WWOX: variants seen among roughly 807,000 people sequenced by gnomAD.
WWOX encodes WW domain containing oxidoreductase.
In WWOX, 69 loss-of-function variants were observed where a neutral mutation model predicts 46.2. That is an observed-to-expected ratio of 1.49 (90% confidence interval 1.23 to 1.82). The LOEUF is 1.82. Among genes scored for constraint, WWOX ranks in the 40% most tolerant of loss-of-function variants. The pLI, the probability that WWOX is intolerant of heterozygous loss-of-function variation, is 0.00. For missense variants in WWOX, 919 were observed against 542.6 expected, an observed-to-expected ratio of 1.69 and a Z score of -6.89; for synonymous variants, 359 against 202.6, an observed-to-expected ratio of 1.77 and a Z score of -6.56.
chr16:78,923,207 C>G (rs1013076628), intron 8 of WWOX, among the ~76,000 whole-genome samples: 1 of 152,022 alleles, frequency 6.6e-6, no homozygotes, highest in Non-Finnish European at 1.5e-5. Context: ...TCTCAAACTC[C>G]CAACCTCAGG....
At position 78,377,692 on chromosome 16, in the gene WWOX, C is replaced by T. The variant is rs1005998994; in HGVS notation, c.517-9168C>T. Among the ~76,000 whole-genome samples, 9 of 152,256 alleles carry T rather than the reference C, an allele frequency of 5.9e-5. No individual in the cohort carries two copies. The East Asian group carries it at 7.7e-4, about 13-fold the overall frequency. The stretch of plus-strand genomic sequence containing the variant: ...AAATAGGAAGGTTTTGGATTATTTT[C>T]GCTCTCTTATTAGTTTCTGGCAGGA... On this transcript the variant is annotated intron_variant, in intron 5 of 8. Coordinates refer to ENST00000566780, the MANE Select transcript of WWOX (RefSeq NM_016373.4).
intron 8 of WWOX, among the ~76,000 whole-genome samples, chr16:78,834,174 T>A (rs150663324): frequency 4.7e-4 from 72 of 152,308 alleles, no homozygotes; most frequent in African/African-American, 1.7e-3. Flanking sequence ...GAACATTCCC[T>A]TCTTCTCATA....
At chr16:79,190,420 C>A (rs1341668320) in intron 8 of WWOX, among the ~76,000 whole-genome samples, 1 of 152,072 alleles carries the variant, frequency 6.6e-6, no homozygotes, top group Non-Finnish European at 1.5e-5. Flanking sequence ...TTCCAAAGAC[C>A]ACTGGACTTT....
intron 8 of WWOX, among the ~76,000 whole-genome samples, chr16:79,153,878 G>A (rs1484577305): frequency 2.6e-5 from 4 of 152,124 alleles, no homozygotes; most frequent in African/African-American, 9.7e-5. Context: ...TCTTGGCAAG[G>A]TATGGCCCCT....
At chr16:78,625,206 G>A (rs570971667) in intron 8 of WWOX, among the ~76,000 whole-genome samples, 19 of 152,190 alleles carry the variant, frequency 1.2e-4, no homozygotes, top group Non-Finnish European at 2.4e-4. Flanking sequence ...GACAGCTGCA[G>A]TTCTGCGTTT....
intron 8 of WWOX, among the ~76,000 whole-genome samples, chr16:78,773,072 C>T (rs1348773094): frequency 6.6e-6 from 1 of 151,994 alleles, no homozygotes; most frequent in Non-Finnish European, 1.5e-5. Flanking sequence ...AACAAACAAA[C>T]AAAAAGAAAT....
chr16:78,818,316 C>T (rs1001862028), intron 8 of WWOX, among the ~76,000 whole-genome samples: 3 of 152,218 alleles, frequency 2.0e-5, no homozygotes, highest in Non-Finnish European at 4.4e-5. Context: ...CCAGCCCTGC[C>T]ACACCATCAC....
At chr16:79,210,938 A>G (rs1004036218) in intron 8 of WWOX, among the ~76,000 whole-genome samples, 4 of 152,134 alleles carry the variant, frequency 2.6e-5, no homozygotes, top group Admixed American at 1.3e-4. Context: ...CCCATTGTAA[A>G]TCTGGGTCAA....
At chr16:78,965,676 A>G (rs1222762551) in intron 8 of WWOX, among the ~76,000 whole-genome samples, 4 of 151,944 alleles carry the variant, frequency 2.6e-5, no homozygotes, top group Admixed American at 2.0e-4. Context: ...TACTCAACCC[A>G]GTTCTGTCGT....
In WWOX at chr16:78,501,186, TC is replaced by T. The variant is rs1185758593; in HGVS notation, c.1056+68435del. Among the ~76,000 whole-genome samples, 718 of 90,154 alleles carry T rather than the reference TC, an allele frequency of 8.0e-3. 8 individuals carry two copies. The highest frequency in any genetic ancestry group is 0.026 in the African/African-American group (691 of 26,244). 59.1% of individuals were successfully genotyped at this position (90,154 alleles called of 152,430 possible). A position where few individuals can be genotyped will look rare whatever the true frequency, so the allele number is the denominator to read the frequency against. On this transcript the variant is annotated intron_variant, in intron 8 of 8. Coordinates refer to ENST00000566780, the MANE Select transcript of WWOX (RefSeq NM_016373.4). Reference sequence around the variant, plus strand: ...ATACATGTTTTTCTTTCTCTCTCTTTCTTTCTCTTTTTTTTTTTTTGAAAAA... The same window carrying T: ...ATACATGTTTTTCTTTCTCTCTCTTTTTTCTCTTTTTTTTTTTTTGAAAAA...
intron 8 of WWOX, among the ~76,000 whole-genome samples, chr16:78,640,172 C>T (rs978503663): frequency 1.2e-4 from 18 of 148,018 alleles, no homozygotes; most frequent in African/African-American, 4.5e-4. Flanking sequence ...GAGTTGCCAA[C>T]GTCCTCTCCT....
At chr16:78,743,157 G>C (rs536734169) in intron 8 of WWOX, among the ~76,000 whole-genome samples, 12 of 152,176 alleles carry the variant, frequency 7.9e-5, no homozygotes, top group Admixed American at 6.5e-4. Flanking sequence ...AGCCGTTATT[G>C]ATATCAGTTC....
chr16:78,954,180 G>A (rs2046119136), intron 8 of WWOX, among the ~76,000 whole-genome samples: 1 of 152,134 alleles, frequency 6.6e-6, no homozygotes. Flanking sequence ...TTCTTTAGAT[G>A]GATGGGTGGA....
chr16:78,945,187 GAAAAAGAAAA>G, intron 8 of WWOX, among the ~76,000 whole-genome samples: 1 of 151,904 alleles, frequency 6.6e-6, no homozygotes, highest in South Asian at 2.1e-4. Context: ...GTCAAAAAAA[GAAAAAGAAAA>G]AGAAAGAAAA....
intron 8 of WWOX, among the ~76,000 whole-genome samples, chr16:78,792,814 G>C (rs2050639317): frequency 6.6e-6 from 1 of 152,144 alleles, no homozygotes; most frequent in Non-Finnish European, 1.5e-5. Flanking sequence ...ATTGCCAGCA[G>C]GGAGCTCTGA....
intron 8 of WWOX, among the ~76,000 whole-genome samples, chr16:79,117,997 A>G (rs1259028297): frequency 2.0e-5 from 3 of 152,248 alleles, no homozygotes; most frequent in Non-Finnish European, 2.9e-5. Flanking sequence ...TCACTAGAAT[A>G]GCACTTTTAA....
chr16:78,573,948 C>T (rs2044782682), intron 8 of WWOX, among the ~76,000 whole-genome samples: 1 of 152,222 alleles, frequency 6.6e-6, no homozygotes, highest in South Asian at 2.1e-4. Context: ...TAGGGTTTCA[C>T]AAAGTTGCAA....
At chr16:78,548,823 G>A (rs1390719956) in intron 8 of WWOX, among the ~76,000 whole-genome samples, 1 of 152,096 alleles carries the variant, frequency 6.6e-6, no homozygotes, top group African/African-American at 2.4e-5. Context: ...TTGCCTTTTG[G>A]CTGCAGCCCG....
At chr16:78,142,350 G>C (rs1303152553) in intron 4 of WWOX, among the ~76,000 whole-genome samples, 1 of 152,184 alleles carries the variant, frequency 6.6e-6, no homozygotes, top group African/African-American at 2.4e-5. Context: ...CTGTGTAGCA[G>C]TGTGTTATAG....
Sources: allele counts gnomAD v4.1 joint callset (sites outside exome capture counted in the v4.1 genomes callset), GRCh38; gene constraint gnomAD v4.1.1; transcripts MANE v1.5; gene names NCBI Gene and HGNC (gene_info 2026-07-23, HGNC 2026-07-21).